Variants in EXTL3 observed in about 807,000 individuals in gnomAD.
The protein encoded by EXTL3 is exostosin like glycosyltransferase 3.
In EXTL3, 27 loss-of-function variants were observed where a neutral mutation model predicts 69.3. That is an observed-to-expected ratio of 0.39 (90% CI 0.29 to 0.54). The LOEUF (loss-of-function observed/expected upper bound fraction) is 0.54. Ranked by LOEUF, EXTL3 falls within the 20% of genes least tolerant of loss-of-function variation. EXTL3 has a pLI of 0.69. For missense variants in EXTL3, 1,003 were observed against 1,231.8 expected, an observed-to-expected ratio of 0.81 and a Z score of 2.78; for synonymous variants, 511 against 499.4, an observed-to-expected ratio of 1.02 and a Z score of -0.31.
At chr8:28,656,646 T>C (rs1807016035) in intron 1 of EXTL3, among the ~76,000 whole-genome samples, 1 of 152,214 alleles carries the variant, frequency 6.6e-6, no homozygotes, top group Non-Finnish European at 1.5e-5. Context: ...CAAGGTCTAC[T>C]GTATTTTTTC....
At chr8:28,706,892 C>T (rs979069175) in intron 1 of EXTL3, among the ~76,000 whole-genome samples, 38 of 151,800 alleles carry the variant, frequency 2.5e-4, no homozygotes, top group Non-Finnish European at 3.7e-4. Flanking sequence ...TATAGTCAAA[C>T]CTGTTGAACA....
Position 28,717,346 on chromosome 8 carries a change from C to G in EXTL3, c.1287C>G (p.Thr429=), listed in dbSNP as rs1204161477. The part of the protein sequence containing the change: ...EDRLELLKLS[T]FALIITPGDP... ...GCTTGGAATTGCTGAAGCTCTCCAC[C>G]TTCGCCCTCATCATTACCCCCGGGG... Residue 429 remains threonine (T), a synonymous_variant, in exon 3 of 7, where the codon ACC becomes ACG. Coordinates refer to ENST00000220562, the MANE Select transcript of EXTL3 (RefSeq NM_001440.4). This position sits in a 1 kb window ranked among gnomAD's most constrained non-coding sequence, Gnocchi z 8.3. 6.2e-7 allele frequency: 1 copy of G among 1,614,184 alleles called. No individual in the cohort carries two copies. Among genetic ancestry groups the G allele is most frequent in the East Asian group, 2.2e-5 (1 of 44,864 alleles).
intron 1 of EXTL3, among the ~76,000 whole-genome samples, chr8:28,663,633 G>T (rs866606124): frequency 6.6e-6 from 1 of 152,056 alleles, no homozygotes; most frequent in Non-Finnish European, 1.5e-5. Context: ...TAAATTTTTA[G>T]TAGAGACGAG....
At chr8:28,667,262 G>T (rs1248204587) in intron 1 of EXTL3, among the ~76,000 whole-genome samples, 1 of 152,242 alleles carries the variant, frequency 6.6e-6, no homozygotes, top group Non-Finnish European at 1.5e-5. Flanking sequence ...GCAGGGGCCA[G>T]TGGATGGAAA....
At position 28,663,035 on chromosome 8, in the gene EXTL3, C is replaced by T. The variant is rs572378843; in HGVS notation, c.-53+40225C>T. On this transcript the variant is annotated intron_variant, in intron 1 of 6. Coordinates refer to the EXTL3 transcript ENST00000523149. ...GTTAATTCTTTGAGCTCATTCTGAG[C>T]CAAAAACCCTATGCTGATTTATCGT... 1.6e-3 allele frequency among the ~76,000 whole-genome samples: 238 copies of T among 152,304 alleles called. 1 individual carries two copies. Among genetic ancestry groups the T allele is most frequent in the African/African-American group, 5.4e-3 (225 of 41,566 alleles).
chr8:28,610,447 C>T (rs535716770), intron 2 of EXTL3, among the ~76,000 whole-genome samples: 17 of 152,232 alleles, frequency 1.1e-4, no homozygotes, highest in African/African-American at 3.9e-4. Flanking sequence ...TGACCTAGTC[C>T]TGGCAAATAC....
chr8:28,626,791 G>A (rs1037433975), intron 1 of EXTL3, among the ~76,000 whole-genome samples: 1 of 152,196 alleles, frequency 6.6e-6, no homozygotes, highest in Non-Finnish European at 1.5e-5. Flanking sequence ...TCTGAAGACT[G>A]AGGTGGGACA....
At chr8:28,612,275 G>A (rs887473756) in intron 2 of EXTL3, among the ~76,000 whole-genome samples, 13 of 151,986 alleles carry the variant, frequency 8.6e-5, no homozygotes, top group African/African-American at 2.9e-4. Context: ...CCAACATGGC[G>A]AAACCCTGTC....
At chr8:28,737,311 G>T (rs974105541) in intron 4 of EXTL3, among the ~76,000 whole-genome samples, 3 of 152,164 alleles carry the variant, frequency 2.0e-5, no homozygotes, top group Non-Finnish European at 4.4e-5. Flanking sequence ...GAGGGACAAT[G>T]TGCAGGTGCT....
At chr8:28,666,008 G>C (rs1256248442) in intron 1 of EXTL3, among the ~76,000 whole-genome samples, 1 of 152,192 alleles carries the variant, frequency 6.6e-6, no homozygotes. Flanking sequence ...GTTTGAATCT[G>C]TGGTTTTCTT....
At chr8:28,657,176 C>T (rs1209124513) in intron 1 of EXTL3, among the ~76,000 whole-genome samples, 1 of 152,136 alleles carries the variant, frequency 6.6e-6, no homozygotes, top group South Asian at 2.1e-4. Context: ...CTCCTGACCT[C>T]AGGTGATCCA....
intron 5 of EXTL3, 121 bp downstream of exon 5, chr8:28,737,784 A>T: frequency 8.4e-7 from 1 of 1,188,270 alleles, no homozygotes; most frequent in Non-Finnish European, 1.3e-6. Context: ...TTGTGCTAGA[A>T]GTCAGTTTTT....
chr8:28,721,312 CAG>C (rs761255824), intron 3 of EXTL3, among the ~76,000 whole-genome samples: 1 of 152,228 alleles, frequency 6.6e-6, no homozygotes, highest in Non-Finnish European at 1.5e-5. Context: ...GGGCCAGAGA[CAG>C]AGCAGTTTCT....
chr8:28,748,243 C>T (rs962966942), intron 6 of EXTL3, among the ~76,000 whole-genome samples: 5 of 151,678 alleles, frequency 3.3e-5, no homozygotes, highest in African/African-American at 7.3e-5. Context: ...TGGTGGCAGG[C>T]GCCTGTAGTC....
chr8:28,639,325 A>T (rs1284541904), intron 1 of EXTL3, among the ~76,000 whole-genome samples: 1 of 152,002 alleles, frequency 6.6e-6, no homozygotes, highest in Non-Finnish European at 1.5e-5. Flanking sequence ...CCTGCTGCCA[A>T]TAATCTAATT....
intron 6 of EXTL3, among the ~76,000 whole-genome samples, chr8:28,747,300 G>C (rs1157055544): frequency 6.6e-6 from 1 of 152,236 alleles, no homozygotes; most frequent in Non-Finnish European, 1.5e-5. Context: ...GAGAGCAGCA[G>C]TGAGTGAGGG....
intron 1 of EXTL3, among the ~76,000 whole-genome samples, chr8:28,689,454 A>G (rs77966769): frequency 1.3e-5 from 2 of 152,296 alleles, no homozygotes; most frequent in Non-Finnish European, 2.9e-5. Context: ...AGATCTGACT[A>G]GCTGTCTCTT....
chr8:28,712,801 G>A (rs1563213176), intron 1 of EXTL3, among the ~76,000 whole-genome samples: 2 of 152,164 alleles, frequency 1.3e-5, no homozygotes, highest in African/African-American at 4.8e-5. Flanking sequence ...ATTTGTTTCT[G>A]CCCTCAGCTC....
intron 1 of EXTL3, among the ~76,000 whole-genome samples, chr8:28,673,075 CCT>C (rs1807323869): frequency 6.6e-6 from 1 of 152,190 alleles, no homozygotes; most frequent in Admixed American, 6.5e-5. Flanking sequence ...GTCCATTAAA[CCT>C]CTTTCTTTAT....
Sources: gnomAD v4.1 joint callset for allele counts (sites outside exome capture counted in the v4.1 genomes callset) on GRCh38, gnomAD v4.1.1 for gene constraint, Gnocchi (gnomAD v3.1) non-coding constraint, MANE v1.5 for transcripts, NCBI Gene and HGNC (gene_info 2026-07-23, HGNC 2026-07-21) for gene names.